Variants in ANOS1 observed in about 807,000 individuals in gnomAD.
The protein encoded by ANOS1 is anosmin 1.
In ANOS1, 6 loss-of-function variants were observed where a neutral mutation model predicts 59.0. The observed-to-expected ratio is 0.10, with a 90% CI of 0.06 to 0.20. The LOEUF is 0.20. Among genes scored for constraint, ANOS1 ranks in the 10% least tolerant of loss-of-function variants. The probability of loss-of-function intolerance (pLI) is 1.00; values close to 1 mark genes in which losing one functional copy is unlikely to be tolerated. For synonymous variants in ANOS1, 217 were observed against 223.4 expected (o/e 0.97, Z 0.25); for missense variants, 433 against 542.3 (o/e 0.80, Z 2.00).
chrX:8,532,982 C>CT lies in ANOS1; in HGVS notation c.*12dup. On this transcript the variant is annotated 3_prime_UTR_variant, in exon 14 of 14. Transcript: ENST00000262648. ...ACACATCTGTGCAATTTCACAAAAT[C>CT]TTTTTGAACAGTTTAGTATCTTTCT... 2 of 1,099,020 alleles carry CT rather than the reference C, an allele frequency of 1.8e-6. No homozygotes were observed. The highest frequency in any genetic ancestry group is 2.5e-6 in the Non-Finnish European group (2 of 792,734). The allele number at this position is 1,099,020 out of a possible 1,213,427, so 90.6% of individuals were successfully genotyped here.
chrX:8,700,062 C>T (rs181647228), intron 1 of ANOS1, among the ~76,000 whole-genome samples: 60 of 112,004 alleles, frequency 5.4e-4, no homozygotes, highest in African/African-American at 1.7e-3. Context: ...CTAGACGTTC[C>T]GCCAATAGTC....
Position 8,535,674 on chromosome X carries a change from C to T in ANOS1, c.1759G>A (p.Val587Met). 1 of 1,210,751 alleles carries T rather than the reference C, an allele frequency of 8.3e-7. No individual in the cohort carries two copies. The highest frequency in any genetic ancestry group is 1.1e-6 in the Non-Finnish European group (1 of 894,256). ...NLYQPMTGFQ[V>M]TWAEVTTESR... Reference sequence around the variant, plus strand: ...TCCGTAGTGACCTCAGCCCAAGTCACTTGAAACCCAGTCATGGGCTGATAG... The same window carrying T: ...TCCGTAGTGACCTCAGCCCAAGTCATTTGAAACCCAGTCATGGGCTGATAG... Residue 587 changes from valine to methionine, a missense_variant, in exon 12 of 14, where the codon GTG becomes ATG. Physicochemically the swap from Val to Met is conservative, Grantham distance 21. Transcript: ENST00000262648.
intron 2 of ANOS1, among the ~76,000 whole-genome samples, chrX:8,666,874 C>A (rs1465936804): frequency 9.0e-6 from 1 of 111,238 alleles, no homozygotes; most frequent in Non-Finnish European, 1.9e-5. Context: ...CCTTGTATGC[C>A]CCAGGATGAG....
chrX:8,720,792 G>A (rs1932870195), intron 1 of ANOS1, among the ~76,000 whole-genome samples: 1 of 111,084 alleles, frequency 9.0e-6, no homozygotes, highest in Non-Finnish European at 1.9e-5. Context: ...CAGGTACGGG[G>A]GTGTAACACA....
intron 2 of ANOS1, among the ~76,000 whole-genome samples, chrX:8,654,201 G>A (rs899706710): frequency 6.3e-5 from 7 of 111,854 alleles, no homozygotes; most frequent in African/African-American, 2.3e-4. Context: ...TCTCCCATAG[G>A]TCTGTATCAG....
chrX:8,669,126 G>A (rs764521395), intron 2 of ANOS1, among the ~76,000 whole-genome samples: 207 of 111,653 alleles, frequency 1.9e-3, no homozygotes, highest in Non-Finnish European at 3.5e-3. Context: ...CCCTCAAAGC[G>A]TCACAGCAAG....
At chrX:8,684,018 C>T (rs1161960571) in intron 2 of ANOS1, among the ~76,000 whole-genome samples, 1 of 111,769 alleles carries the variant, frequency 8.9e-6, no homozygotes, top group African/African-American at 3.3e-5. Flanking sequence ...TCCCCATGTA[C>T]TTATTCTATC....
intron 2 of ANOS1, among the ~76,000 whole-genome samples, chrX:8,648,421 A>G (rs5978932): frequency 0.19 from 19,351 of 103,403 alleles, 3,165 homozygotes; most frequent in African/African-American, 0.5. Flanking sequence ...AAATCGTGCC[A>G]CTGTACTCCA....
intron 2 of ANOS1, among the ~76,000 whole-genome samples, chrX:8,636,885 A>G (rs1024758132): frequency 2.7e-5 from 3 of 112,413 alleles, no homozygotes; most frequent in Non-Finnish European, 5.6e-5. Context: ...TGAGTTAGAC[A>G]TCATATTCAT....
At chrX:8,626,111 C>CAAA (rs138234272) in intron 2 of ANOS1, among the ~76,000 whole-genome samples, 10 of 24,519 alleles carry the variant, frequency 4.1e-4, no homozygotes, top group Non-Finnish European at 4.9e-4. Flanking sequence ...GACTCTGTCT[C>CAAA]AAAAAAAAAA....
At chrX:8,601,124 C>T (rs1055997845) in intron 3 of ANOS1, among the ~76,000 whole-genome samples, 3 of 100,466 alleles carry the variant, frequency 3.0e-5, no homozygotes, top group African/African-American at 1.1e-4. Context: ...ACCTGGGAGG[C>T]GGAGCTTGCA....
intron 2 of ANOS1, among the ~76,000 whole-genome samples, chrX:8,670,451 T>A (rs1254537104): frequency 1.8e-5 from 2 of 110,910 alleles, no homozygotes; most frequent in African/African-American, 3.3e-5. Context: ...CCACCTAACA[T>A]CCATCATGTC....
At chrX:8,682,463 C>G (rs1469571455) in intron 2 of ANOS1, among the ~76,000 whole-genome samples, 1 of 110,752 alleles carries the variant, frequency 9.0e-6, no homozygotes, top group Non-Finnish European at 1.9e-5. Flanking sequence ...TATGGCTGTT[C>G]AAGACCCGTG....
chrX:8,600,149 T>A (rs1336558679), intron 3 of ANOS1, among the ~76,000 whole-genome samples: 2 of 112,195 alleles, frequency 1.8e-5, no homozygotes, highest in Admixed American at 1.9e-4. Context: ...TGACGGCAAA[T>A]GTTATATTAT....
intron 1 of ANOS1, among the ~76,000 whole-genome samples, chrX:8,725,521 T>TAC (rs1932904282): frequency 3.0e-5 from 2 of 67,202 alleles, no homozygotes; most frequent in African/African-American, 5.0e-5. Flanking sequence ...TATATACAGA[T>TAC]ATATATATAT....
intron 3 of ANOS1, among the ~76,000 whole-genome samples, chrX:8,610,025 A>AC (rs1931020640): frequency 1.1e-5 from 1 of 89,136 alleles, no homozygotes; most frequent in Non-Finnish European, 2.2e-5. Flanking sequence ...AAAAAAAAAA[A>AC]AAAAAAAAAA....
chrX:8,726,167 G>T (rs1474710070), intron 1 of ANOS1, among the ~76,000 whole-genome samples: 1 of 111,412 alleles, frequency 9.0e-6, no homozygotes, highest in African/African-American at 3.3e-5. Context: ...ATTTGTAGCT[G>T]CTGGGGTTTT....
intron 2 of ANOS1, among the ~76,000 whole-genome samples, chrX:8,653,619 C>G (rs12008923): frequency 0.17 from 19,011 of 111,085 alleles, 1,414 homozygotes; most frequent in African/African-American, 0.27. Flanking sequence ...GACCTTTTTA[C>G]CTTACTTGTC....
intron 2 of ANOS1, among the ~76,000 whole-genome samples, chrX:8,643,349 T>C (rs146474905): frequency 1.0e-3 from 115 of 111,693 alleles, no homozygotes; most frequent in African/African-American, 3.4e-3. Flanking sequence ...CATTAATAAG[T>C]TGGGCCCTTT....
Sources: allele counts gnomAD v4.1 joint callset (sites outside exome capture counted in the v4.1 genomes callset), GRCh38; gene constraint gnomAD v4.1.1; transcripts MANE v1.5; gene names NCBI Gene and HGNC (gene_info 2026-07-23, HGNC 2026-07-21).